CENPW: variants seen among roughly 807,000 people sequenced by gnomAD.
CENPW encodes the protein cancer-up-regulated gene 2 protein.
CENPW carries 3 observed loss-of-function variants against 11.1 expected under a neutral mutation model. The observed-to-expected ratio is 0.27, with a 90% CI of 0.12 to 0.70. CENPW has a LOEUF of 0.70. CENPW is among the 30% of genes least tolerant of loss of function. The pLI, the probability that CENPW is intolerant of heterozygous loss-of-function variation, is 0.77. For synonymous variants in CENPW, 38 were observed against 42.0 expected (o/e 0.91, Z 0.37); for missense variants, 100 against 105.6 (o/e 0.95, Z 0.23).
chr6:126,440,203 G>C, the CENPW span, among the ~76,000 whole-genome samples: 1 of 151,610 alleles, frequency 6.6e-6, no homozygotes, highest in Non-Finnish European at 1.5e-5. Flanking sequence ...TCATAGGTGA[G>C]AGCATGAATA....
At chr6:126,347,070 T>C (rs1028522357) in intron 2 of CENPW, among the ~76,000 whole-genome samples, 3 of 152,226 alleles carry the variant, frequency 2.0e-5, no homozygotes, top group Admixed American at 6.5e-5. Flanking sequence ...GAAAATGTTA[T>C]TTCCAAATGA....
the CENPW span, among the ~76,000 whole-genome samples, chr6:126,472,141 T>G: frequency 6.6e-6 from 1 of 152,218 alleles, no homozygotes; most frequent in African/African-American, 2.4e-5. Context: ...TGGTATATTT[T>G]TAAAGCTCTT....
At chr6:126,370,588 G>A in the CENPW span, among the ~76,000 whole-genome samples, 4 of 152,068 alleles carry the variant, frequency 2.6e-5, no homozygotes, top group Admixed American at 6.6e-5. Context: ...GTGTAGCAGA[G>A]CTACTGATTT....
the CENPW span, among the ~76,000 whole-genome samples, chr6:126,401,689 G>A: frequency 6.6e-6 from 1 of 151,928 alleles, no homozygotes; most frequent in South Asian, 2.1e-4. Flanking sequence ...GATGGATTTG[G>A]GGTTGGGCAT....
At chr6:126,416,530 A>G in the CENPW span, among the ~76,000 whole-genome samples, 1 of 152,154 alleles carries the variant, frequency 6.6e-6, no homozygotes, top group Non-Finnish European at 1.5e-5. Context: ...TCCCATCACA[A>G]GCCCAGGGTC....
chr6:126,368,581 C>A, the CENPW span, among the ~76,000 whole-genome samples: 2 of 147,424 alleles, frequency 1.4e-5, no homozygotes, highest in South Asian at 2.2e-4. Context: ...TGAATAAATT[C>A]TTTAGTGGTG....
chr6:126,480,470 T>G, the CENPW span, among the ~76,000 whole-genome samples: 1 of 152,012 alleles, frequency 6.6e-6, no homozygotes, highest in Non-Finnish European at 1.5e-5. Context: ...TTGGAGATCA[T>G]TAATTTGATT....
chr6:126,457,272 T>G, the CENPW span, among the ~76,000 whole-genome samples: 1 of 151,620 alleles, frequency 6.6e-6, no homozygotes, highest in Non-Finnish European at 1.5e-5. Flanking sequence ...GTATGTTCAT[T>G]GCAGCACTAT....
chr6:126,433,138 A>C, the CENPW span, among the ~76,000 whole-genome samples: 3 of 152,204 alleles, frequency 2.0e-5, no homozygotes, highest in African/African-American at 7.2e-5. Context: ...TTGTATTTTT[A>C]AAGATTATGC....
the CENPW span, among the ~76,000 whole-genome samples, chr6:126,424,807 CATT>C: frequency 6.6e-6 from 1 of 152,012 alleles, no homozygotes; most frequent in Non-Finnish European, 1.5e-5. Context: ...AGAGAAGAAT[CATT>C]ATCAGAGTCT....
chr6:126,407,914 T>C, the CENPW span, among the ~76,000 whole-genome samples: 1 of 152,330 alleles, frequency 6.6e-6, no homozygotes, highest in Non-Finnish European at 1.5e-5. Context: ...TTTTTTGCTA[T>C]GCTGAAGTTC....
chr6:126,465,723 G>C, the CENPW span, among the ~76,000 whole-genome samples: 2 of 151,338 alleles, frequency 1.3e-5, no homozygotes, highest in Admixed American at 6.6e-5. Context: ...CATAAACATA[G>C]AGAATTGATT....
At chr6:126,407,188 A>C in the CENPW span, among the ~76,000 whole-genome samples, 1 of 152,096 alleles carries the variant, frequency 6.6e-6, no homozygotes, top group South Asian at 2.1e-4. Context: ...AATGGTGTAT[A>C]GTTTTCTGTT....
At chr6:126,479,321 C>T in the CENPW span, among the ~76,000 whole-genome samples, 1 of 151,948 alleles carries the variant, frequency 6.6e-6, no homozygotes, top group African/African-American at 2.4e-5. Flanking sequence ...AGATCTCTGT[C>T]CTGAGCTCCA....
chr6:126,378,494 T>G, the CENPW span, among the ~76,000 whole-genome samples: 3 of 151,848 alleles, frequency 2.0e-5, no homozygotes, highest in Non-Finnish European at 2.9e-5. Flanking sequence ...AATATTAACT[T>G]CAATCAATGT....
intron 1 of CENPW, among the ~76,000 whole-genome samples, chr6:126,343,046 T>C (rs552637874): frequency 1.3e-5 from 2 of 152,308 alleles, no homozygotes; most frequent in South Asian, 4.1e-4. Context: ...TTATAGTTCA[T>C]GTAAAATTCA....
chr6:126,446,215 G>A, the CENPW span, among the ~76,000 whole-genome samples: 6 of 151,068 alleles, frequency 4.0e-5, no homozygotes, highest in African/African-American at 4.8e-5. Context: ...ACGGCTGCCA[G>A]GACTTGGCCA....
the CENPW span, among the ~76,000 whole-genome samples, chr6:126,473,720 ATC>A: frequency 7.4e-3 from 1,060 of 142,386 alleles, 6 homozygotes; most frequent in Middle Eastern, 0.011. Flanking sequence ...ACGAGAGTGA[ATC>A]TCTCTCTCTC....
chr6:126,412,082 TC>T, the CENPW span, among the ~76,000 whole-genome samples: 1 of 14,162 alleles, frequency 7.1e-5, no homozygotes, highest in Non-Finnish European at 1.4e-4. Flanking sequence ...TTTCTCTCTC[TC>T]TCTCTCCTTC....
Sources: allele counts gnomAD v4.1 joint callset (sites outside exome capture counted in the v4.1 genomes callset), GRCh38; gene constraint gnomAD v4.1.1; transcripts MANE v1.5; gene names NCBI Gene and HGNC (gene_info 2026-07-23, HGNC 2026-07-21).